Variants in EEPD1 observed in about 807,000 individuals in gnomAD.
EEPD1 encodes the protein endonuclease/exonuclease/phosphatase family domain-containing protein 1.
In EEPD1, 17 loss-of-function variants were observed where a neutral mutation model predicts 46.3. The observed-to-expected ratio is 0.37, with a 90% CI of 0.25 to 0.55. EEPD1 has a LOEUF of 0.55. EEPD1 is among the 20% of genes least tolerant of loss of function. EEPD1 has a pLI of 0.83. For synonymous variants in EEPD1, 313 were observed against 315.6 expected (o/e 0.99, Z 0.09); for missense variants, 673 against 745.6 (o/e 0.90, Z 1.13).
chr7:36,198,297 T>C (rs2115695830), intron 2 of EEPD1, among the ~76,000 whole-genome samples: 1 of 143,316 alleles, frequency 7.0e-6, no homozygotes, highest in South Asian at 2.2e-4. Flanking sequence ...GCCTATTGTA[T>C]TTCCTGTAGG....
intron 2 of EEPD1, among the ~76,000 whole-genome samples, chr7:36,188,221 C>T (rs929399779): frequency 2.6e-5 from 4 of 152,226 alleles, no homozygotes; most frequent in African/African-American, 7.2e-5. Context: ...CTTTCTCTCT[C>T]TCTCTTTCCA....
intron 2 of EEPD1, among the ~76,000 whole-genome samples, chr7:36,234,892 GTCCAGCCCAGGCCTCCCCCACAGCC>G: frequency 6.6e-6 from 1 of 150,938 alleles, no homozygotes; most frequent in South Asian, 2.1e-4. Context: ...TGTGTGCTGA[GTCCAGCCCAGGCCTCCCCCACAGCC>G]TCCAGCCCAG....
intron 3 of EEPD1, among the ~76,000 whole-genome samples, chr7:36,275,010 A>T (rs954365083): frequency 6.6e-6 from 1 of 152,202 alleles, no homozygotes; most frequent in South Asian, 2.1e-4. Flanking sequence ...GTGCATCTTC[A>T]TCCACCAAAA....
At chr7:36,165,138 C>G (rs561550273) in intron 2 of EEPD1, among the ~76,000 whole-genome samples, 1 of 152,170 alleles carries the variant, frequency 6.6e-6, no homozygotes, top group South Asian at 2.1e-4. Context: ...CATTCTTTCA[C>G]CACTCACCCA....
rs545787169 is a variant in EEPD1 at position 36,207,969 on chromosome 7, A to G, written c.879-31016A>G. On this transcript the variant is annotated intron_variant, in intron 2 of 7. Coordinates refer to ENST00000242108, the MANE Select transcript of EEPD1 (RefSeq NM_030636.3). ...TTCACACAGGCCATTGGCCACCACT[A>G]GGGCAGAACAGAGACAGTGCCAGTC... Among the ~76,000 whole-genome samples, 72 of 149,908 alleles carry G rather than the reference A, an allele frequency of 4.8e-4. No homozygotes were observed. The South Asian group carries it at 6.8e-3, about 14-fold the overall frequency.
At chr7:36,236,216 G>A (rs981485633) in intron 2 of EEPD1, among the ~76,000 whole-genome samples, 56 of 152,236 alleles carry the variant, frequency 3.7e-4, no homozygotes, top group Non-Finnish European at 3.4e-4. Flanking sequence ...TTCAGCCGGC[G>A]GCTGCGCTGT....
At position 36,271,232 on chromosome 7, in the gene EEPD1, C is replaced by T. The variant is rs146040833; in HGVS notation, c.931-9883C>T. ...AGAACTCCTAACCTCATGATCTGCC[C>T]GCCTTGCTGGGATTACAGGCATGAG... On this transcript the variant is annotated intron_variant, in intron 3 of 7. Transcript: ENST00000242108. 2.8e-3 allele frequency among the ~76,000 whole-genome samples: 423 copies of T among 152,192 alleles called. 3 individuals are homozygous for T. Among genetic ancestry groups the T allele is most frequent in the African/African-American group, 9.2e-3 (383 of 41,510 alleles).
intron 2 of EEPD1, among the ~76,000 whole-genome samples, chr7:36,191,056 G>T (rs1279209206): frequency 2.0e-5 from 3 of 152,198 alleles, no homozygotes; most frequent in African/African-American, 7.2e-5. Context: ...ACTTTTATTT[G>T]CTCATTTGGG....
At chr7:36,201,919 T>C (rs1785718606) in intron 2 of EEPD1, among the ~76,000 whole-genome samples, 1 of 152,206 alleles carries the variant, frequency 6.6e-6, no homozygotes, top group South Asian at 2.1e-4. Context: ...AGAATTATCA[T>C]TCAAAGGGTT....
At chr7:36,188,556 G>A (rs2115672809) in intron 2 of EEPD1, among the ~76,000 whole-genome samples, 1 of 152,268 alleles carries the variant, frequency 6.6e-6, no homozygotes, top group South Asian at 2.1e-4. Flanking sequence ...GGTCCTGCAG[G>A]GATTACTGTG....
chr7:36,262,517 T>C (rs1786943937), intron 3 of EEPD1, among the ~76,000 whole-genome samples: 1 of 152,248 alleles, frequency 6.6e-6, no homozygotes, highest in African/African-American at 2.4e-5. Flanking sequence ...GTGCATGGTT[T>C]GACCTTTGTC....
rs1722919777 is a variant in EEPD1 at position 36,297,081 on chromosome 7, C to T, written c.1404C>T (p.His468=). Residue 468 remains histidine, a synonymous_variant, in exon 7 of 8, where the codon CAC becomes CAT. Transcript: ENST00000242108. ...YDILRKEKFH[H]LIPAHTFTNI... ...TCCTGAGGAAAGAAAAGTTCCACCACCTGATCCCCGCGCACACCTTCACCA... is the reference window on the plus strand; with the variant it reads ...TCCTGAGGAAAGAAAAGTTCCACCATCTGATCCCCGCGCACACCTTCACCA... The T allele has an allele frequency of 1.2e-6, 2 of 1,614,140 alleles. No individual in the cohort carries two copies. Among genetic ancestry groups the T allele is most frequent in the Admixed American group, 1.7e-5 (1 of 60,004 alleles).
chr7:36,177,168 A>G (rs1021968130), intron 2 of EEPD1, among the ~76,000 whole-genome samples: 2 of 152,154 alleles, frequency 1.3e-5, no homozygotes, highest in African/African-American at 4.8e-5. Flanking sequence ...TAAATTCTAT[A>G]TGTAAATTTT....
intron 2 of EEPD1, among the ~76,000 whole-genome samples, chr7:36,161,527 C>A (rs932592120): frequency 2.6e-5 from 4 of 151,914 alleles, no homozygotes; most frequent in Non-Finnish European, 5.9e-5. Context: ...CAGCATCCAC[C>A]CTCCCCCATG....
At position 36,295,181 on chromosome 7, in the gene EEPD1, AG is replaced by A. The variant is rs199650639; in HGVS notation, c.1316-1811del. 8.2e-4 allele frequency among the ~76,000 whole-genome samples: 123 copies of A among 149,886 alleles called. 4 individuals are homozygous for A. The highest frequency in any genetic ancestry group is 1.6e-3 in the East Asian group (8 of 5,148). On this transcript the variant is annotated intron_variant, in intron 6 of 7. Coordinates refer to ENST00000242108, the MANE Select transcript of EEPD1 (RefSeq NM_030636.3). Reference sequence around the variant, plus strand: ...GACACAGCAAGACTCTGTCTCAAAAAGAAAAAAAGAAAAAATATGTATATAC... The same window carrying A: ...GACACAGCAAGACTCTGTCTCAAAAAAAAAAAAGAAAAAATATGTATATAC...
rs1469439112 is a variant in EEPD1 at position 36,154,121 on chromosome 7, T to C, written c.-192-12T>C. ...TTCAATGGGTTTCTATGTTTATTGA[T>C]TTATTTTCTAGGCGGCCAAGTGAAA... On this transcript the variant is annotated splice_polypyrimidine_tract_variant and intron_variant, in intron 1 of 7. Transcript: ENST00000242108. This position sits in a 1 kb window ranked among gnomAD's most constrained non-coding sequence, Gnocchi z 4.2. 1 of 631,236 alleles carries C rather than the reference T, an allele frequency of 1.6e-6. No individual in the cohort carries two copies. Among genetic ancestry groups the C allele is most frequent in the Non-Finnish European group, 2.7e-6 (1 of 370,008 alleles). The allele number at this position is 631,236 out of a possible 1,614,324, so 39.1% of individuals were successfully genotyped here. A position where few individuals can be genotyped will look rare whatever the true frequency, so the allele number is the denominator to read the frequency against.
At chr7:36,282,108 T>C (rs1787271760) in intron 4 of EEPD1, among the ~76,000 whole-genome samples, 1 of 152,230 alleles carries the variant, frequency 6.6e-6, no homozygotes, top group Non-Finnish European at 1.5e-5. Flanking sequence ...TGTAAATGGC[T>C]CCTGCAGCTG....
At position 36,242,682 on chromosome 7, in the gene EEPD1, G is replaced by GT. The variant is rs1166451063; in HGVS notation, c.930+3646_930+3647insT. Among the ~76,000 whole-genome samples the GT allele has an allele frequency of 7.8e-4, 118 of 151,858 alleles. 2 individuals carry two copies. In the South Asian group the frequency reaches 0.024, roughly 31 times the overall value. On this transcript the variant is annotated intron_variant, in intron 3 of 7. Coordinates refer to ENST00000242108, the MANE Select transcript of EEPD1 (RefSeq NM_030636.3). ...TTACACCTGTAATCTCAGCACTTTG[G>GT]GAGGCCAAGGTGGGTGGATCACCTG... is the stretch of plus-strand genomic sequence containing the variant.
intron 2 of EEPD1, among the ~76,000 whole-genome samples, chr7:36,157,903 C>G (rs1053798834): frequency 2.0e-5 from 3 of 152,118 alleles, no homozygotes; most frequent in African/African-American, 4.8e-5. Context: ...GAAATCTCTC[C>G]CCTTCCAATT....
Sources: allele counts gnomAD v4.1 joint callset (sites outside exome capture counted in the v4.1 genomes callset), GRCh38; gene constraint gnomAD v4.1.1; non-coding constraint Gnocchi (gnomAD v3.1); transcripts MANE v1.5; gene names NCBI Gene and HGNC (gene_info 2026-07-23, HGNC 2026-07-21).